Variants in KHDRBS2 observed in about 807,000 individuals in gnomAD.
KHDRBS2 encodes KH RNA binding domain containing, signal transduction associated 2.
In KHDRBS2, 26 loss-of-function variants were observed where a neutral mutation model predicts 44.3. That is an observed-to-expected ratio of 0.59 (90% CI 0.43 to 0.81). The LOEUF is 0.81. Among genes scored for constraint, KHDRBS2 ranks in the 40% least tolerant of loss-of-function variants. The pLI, the probability that KHDRBS2 is intolerant of heterozygous loss-of-function variation, is 0.00. For synonymous variants in KHDRBS2, 194 were observed against 151.1 expected, an observed-to-expected ratio of 1.28 and a Z score of -2.08; for missense variants, 476 against 433.1, an observed-to-expected ratio of 1.10 and a Z score of -0.88.
chr6:62,125,027 C>G lies in KHDRBS2; in HGVS notation c.219+52158G>C, dbSNP rs116994212. Among the ~76,000 whole-genome samples the G allele has an allele frequency of 8.7e-4, 132 of 152,128 alleles. 2 individuals carry two copies. In the East Asian group the frequency reaches 0.019, roughly 22 times the overall value. The stretch of plus-strand genomic sequence containing the variant: ...CATTTTTTTTCATGTTTCTTGGCCA[C>G]TTGTTTGTCTTTTGAAAAATGTTCA... On this transcript the variant is annotated intron_variant, in intron 2 of 8. Transcript: ENST00000281156.
chr6:61,826,168 T>C (rs1030915563), intron 6 of KHDRBS2, among the ~76,000 whole-genome samples: 5 of 152,168 alleles, frequency 3.3e-5, no homozygotes, highest in Admixed American at 3.3e-4. Context: ...TTAGGGGTTT[T>C]ATGGGCATAT....
At chr6:62,141,168 T>C (rs1239676686) in intron 2 of KHDRBS2, among the ~76,000 whole-genome samples, 4 of 152,164 alleles carry the variant, frequency 2.6e-5, no homozygotes, top group Non-Finnish European at 5.9e-5. Context: ...TGATGACTAA[T>C]GGCAGTGTAA....
chr6:62,266,670 A>G (rs1232578898), intron 1 of KHDRBS2, among the ~76,000 whole-genome samples: 3 of 151,906 alleles, frequency 2.0e-5, no homozygotes, highest in African/African-American at 2.4e-5. Context: ...GACACTGTGC[A>G]CCTCTTACTA....
chr6:61,754,386 G>C (rs191493123), intron 6 of KHDRBS2, among the ~76,000 whole-genome samples: 1 of 152,146 alleles, frequency 6.6e-6, no homozygotes, highest in South Asian at 2.1e-4. Context: ...TAGACTTAAC[G>C]CTCAATAAGT....
intron 2 of KHDRBS2, among the ~76,000 whole-genome samples, chr6:62,106,645 G>C (rs374070469): frequency 6.6e-6 from 1 of 151,760 alleles, no homozygotes; most frequent in Non-Finnish European, 1.5e-5. Context: ...GCCGGGCAGA[G>C]ACATTTTAGA....
rs1457376365 is a variant in KHDRBS2, at chr6:61,784,078, G to C, written c.811-51314C>G. Among the ~76,000 whole-genome samples, 11 of 151,904 alleles carry C rather than the reference G, an allele frequency of 7.2e-5. No individual in the cohort carries two copies. The South Asian group carries it at 2.3e-3, about 32-fold the overall frequency. ...ACCCTAAAATTAAATCTAACAATAA[G>C]TATAGGCTTCCCAGCTAGAAATATT... On this transcript the variant is annotated intron_variant, in intron 6 of 8. Transcript: ENST00000281156.
intron 2 of KHDRBS2, among the ~76,000 whole-genome samples, chr6:62,118,774 C>T (rs1479369271): frequency 6.6e-6 from 1 of 152,158 alleles, no homozygotes; most frequent in Non-Finnish European, 1.5e-5. Flanking sequence ...CACTAAAGGT[C>T]AGACTCTAAG....
At chr6:61,848,485 A>ATG (rs1554236512) in intron 6 of KHDRBS2, among the ~76,000 whole-genome samples, 15 of 46,112 alleles carry the variant, frequency 3.3e-4, no homozygotes, top group African/African-American at 1.7e-3. Flanking sequence ...ATATATATAT[A>ATG]TATATGTATA....
chr6:61,576,107 AAAAT>A, the KHDRBS2 span, among the ~76,000 whole-genome samples: 1 of 151,954 alleles, frequency 6.6e-6, no homozygotes. Context: ...AAACAAAACA[AAAAT>A]AAATAAATAA....
At chr6:61,854,347 G>A (rs774794599) in intron 6 of KHDRBS2, among the ~76,000 whole-genome samples, 13 of 151,798 alleles carry the variant, frequency 8.6e-5, no homozygotes, top group Non-Finnish European at 1.6e-4. Context: ...TCATAATAGA[G>A]CAAAATTTTT....
chr6:62,011,656 C>T (rs1780310981), intron 3 of KHDRBS2, among the ~76,000 whole-genome samples: 2 of 152,052 alleles, frequency 1.3e-5, no homozygotes, highest in Admixed American at 6.6e-5. Context: ...CCCATTTGCT[C>T]CTTCCTTATT....
At chr6:61,549,104 T>C in the KHDRBS2 span, among the ~76,000 whole-genome samples, 1 of 152,120 alleles carries the variant, frequency 6.6e-6, no homozygotes, top group Non-Finnish European at 1.5e-5. Context: ...GCAATGACCT[T>C]AGGATTGTCA....
chr6:62,265,151 C>A (rs1490766244), intron 1 of KHDRBS2, among the ~76,000 whole-genome samples: 2 of 151,882 alleles, frequency 1.3e-5, no homozygotes, highest in African/African-American at 2.4e-5. Context: ...CTAAAAGATG[C>A]AATGGGGACC....
chr6:62,134,572 T>C (rs1331825883), intron 2 of KHDRBS2, among the ~76,000 whole-genome samples: 1 of 152,038 alleles, frequency 6.6e-6, no homozygotes, highest in African/African-American at 2.4e-5. Context: ...CAACAGACCC[T>C]AGAATGGTAG....
chr6:61,945,148 T>TATATATAC (rs1554284651), intron 4 of KHDRBS2, among the ~76,000 whole-genome samples: 5 of 71,448 alleles, frequency 7.0e-5, no homozygotes, highest in African/African-American at 2.4e-4. Context: ...TATATATATA[T>TATATATAC]ATACACACAG....
At chr6:61,872,417 G>GGAA (rs1192248631) in intron 6 of KHDRBS2, among the ~76,000 whole-genome samples, 4 of 151,952 alleles carry the variant, frequency 2.6e-5, no homozygotes, top group African/African-American at 9.7e-5. Flanking sequence ...AGAAAAATAA[G>GGAA]AAATATTTCT....
downstream of KHDRBS2, among the ~76,000 whole-genome samples, chr6:61,675,820 T>C (rs1765898291): frequency 6.6e-6 from 1 of 151,860 alleles, no homozygotes; most frequent in South Asian, 2.1e-4. Flanking sequence ...TAATTTGATT[T>C]TTCAGTGAGG....
intron 6 of KHDRBS2, among the ~76,000 whole-genome samples, chr6:61,862,492 C>T (rs1797138390): frequency 6.6e-6 from 1 of 152,072 alleles, no homozygotes; most frequent in African/African-American, 2.4e-5. Flanking sequence ...AGGTATCTTA[C>T]TTCAATACCT....
chr6:61,818,285 G>GAAAAAAAAAAA (rs1789311498), intron 6 of KHDRBS2, among the ~76,000 whole-genome samples: 1 of 132,274 alleles, frequency 7.6e-6, no homozygotes, highest in African/African-American at 3.5e-5. Context: ...AAAAAAAAAG[G>GAAAAAAAAAAA]ATAGTAGGCA....
Sources: allele counts gnomAD v4.1 joint callset (sites outside exome capture counted in the v4.1 genomes callset), GRCh38; gene constraint gnomAD v4.1.1; transcripts MANE v1.5; gene names NCBI Gene and HGNC (gene_info 2026-07-23, HGNC 2026-07-21).